The following CPNE2 variants were observed in gnomAD, a reference collection of about 807,000 sequenced individuals.
CPNE2 encodes the protein copine-2.
CPNE2 carries 42 observed loss-of-function variants against 69.7 expected under a neutral mutation model. That is an observed-to-expected ratio of 0.60 (90% CI 0.47 to 0.78). The LOEUF (loss-of-function observed/expected upper bound fraction) is 0.78, where lower values mean the gene tolerates loss of function less well. Ranked by LOEUF, CPNE2 falls within the 30% of genes least tolerant of loss-of-function variation. The pLI, the probability that CPNE2 is intolerant of heterozygous loss-of-function variation, is 0.00. For synonymous variants in CPNE2, 294 were observed against 289.8 expected (o/e 1.01, Z -0.15); for missense variants, 587 against 732.0 (o/e 0.80, Z 2.29).
intron 8 of CPNE2, 83 bp downstream of exon 8, chr16:57,121,274 G>T: frequency 8.6e-7 from 1 of 1,167,186 alleles, no homozygotes; most frequent in South Asian, 1.4e-5. Flanking sequence ...AGGCAGCCTG[G>T]GGCTGAGATC....
chr16:57,128,834 C>A (rs1383655956), intron 12 of CPNE2, among the ~76,000 whole-genome samples: 1 of 152,148 alleles, frequency 6.6e-6, no homozygotes, highest in African/African-American at 2.4e-5. Context: ...TGTTTAGCTC[C>A]GTCTTATAAG....
At chr16:57,107,342 G>A (rs2069654229) in intron 1 of CPNE2, among the ~76,000 whole-genome samples, 1 of 152,236 alleles carries the variant, frequency 6.6e-6, no homozygotes, top group South Asian at 2.1e-4. Context: ...GAGGGAGGGG[G>A]CTGAGGACCA....
chr16:57,135,191 T>C (rs1286281799), intron 13 of CPNE2, among the ~76,000 whole-genome samples: 3 of 152,032 alleles, frequency 2.0e-5, no homozygotes, highest in Non-Finnish European at 4.4e-5. Context: ...GAGGTGAGGG[T>C]GGCACCAGAC....
intron 9 of CPNE2, 107 bp downstream of exon 9, chr16:57,121,867 G>T (rs1198811959): frequency 9.6e-7 from 1 of 1,042,460 alleles, no homozygotes; most frequent in South Asian, 1.4e-5. Flanking sequence ...TTCAAATCCC[G>T]GCTCTGCCAC....
chr16:57,100,709 T>C (rs533816607), intron 1 of CPNE2, among the ~76,000 whole-genome samples: 3 of 152,344 alleles, frequency 2.0e-5, no homozygotes, highest in Admixed American at 6.5e-5. Context: ...TGTGAAGCTA[T>C]AGAATTTCAA....
At chr16:57,100,808 C>T (rs1373937780) in intron 1 of CPNE2, among the ~76,000 whole-genome samples, 1 of 152,196 alleles carries the variant, frequency 6.6e-6, no homozygotes, top group East Asian at 1.9e-4. Flanking sequence ...TCTCTTGCAG[C>T]TGACAGGGTG....
At chr16:57,139,301 T>C (rs1332705664) in intron 14 of CPNE2, among the ~76,000 whole-genome samples, 2 of 152,156 alleles carry the variant, frequency 1.3e-5, no homozygotes, top group Non-Finnish European at 2.9e-5. Flanking sequence ...CTGAGCCAGA[T>C]TACCAGTCTG....
chr16:57,138,276 C>A (rs1238101225), intron 14 of CPNE2, among the ~76,000 whole-genome samples: 1 of 152,134 alleles, frequency 6.6e-6, no homozygotes, highest in Non-Finnish European at 1.5e-5. Flanking sequence ...GTGTTCATTT[C>A]ACTAGACTCT....
chr16:57,098,169 C>T (rs1359965102), intron 1 of CPNE2, among the ~76,000 whole-genome samples: 1 of 152,158 alleles, frequency 6.6e-6, no homozygotes, highest in Non-Finnish European at 1.5e-5. Context: ...CAGAGAATGA[C>T]CTCCCTCTGA....
chr16:57,123,466 T>C lies in CPNE2; in HGVS notation c.920T>C (p.Met307Thr). 6.2e-7 allele frequency: 1 copy of C among 1,613,338 alleles called. No homozygotes were observed. Among genetic ancestry groups the C allele is most frequent in the Non-Finnish European group, 8.5e-7 (1 of 1,180,020 alleles). The change falls in exon 10 of 16, where the codon ATG (methionine) becomes ACG (threonine). Residue 307 changes from methionine (M) to threonine (T), a missense_variant. Transcript: ENST00000290776. ...LDYILGGCQL[M>T]FTVGIDFTAS... ...TACATCCTGGGAGGCTGCCAGCTCA[T>C]GTTCACCGTAAGGCTCTCCCCGCTG...
intron 1 of CPNE2, among the ~76,000 whole-genome samples, chr16:57,104,766 A>G (rs1486973390): frequency 6.6e-6 from 1 of 152,242 alleles, no homozygotes; most frequent in African/African-American, 2.4e-5. Context: ...CTGGGTGATC[A>G]GGGAAGGCCT....
chr16:57,119,327 A>T, intron 6 of CPNE2, 49 bp downstream of exon 6: 1 of 1,574,558 alleles, frequency 6.4e-7, no homozygotes, highest in South Asian at 1.1e-5. Flanking sequence ...CCTGCAGTCC[A>T]GCCCCTCCAC....
In CPNE2 at chr16:57,121,718, G is replaced by A; in HGVS notation, c.825G>A (p.Lys275=). 1 of 1,614,190 alleles carries A rather than the reference G, an allele frequency of 6.2e-7. No homozygotes were observed. Among genetic ancestry groups the A allele is most frequent in the Non-Finnish European group, 8.5e-7 (1 of 1,180,040 alleles). The change falls in exon 9 of 16, where the codon AAG becomes AAA. Residue 275 remains lysine, a synonymous_variant. Transcript: ENST00000290776. ...CINPKKQRKK[K]NYKNSGIIIL... is the part of the protein sequence containing the mutation. ...ACCCCAAGAAGCAGAGGAAGAAGAA[G>A]AACTATAAAAACTCGGGCATCATCA...
At chr16:57,145,934 G>C in intron 14 of CPNE2, 151 bp from the exon 15 acceptor site, 2 of 667,152 alleles carry the variant, frequency 3.0e-6, no homozygotes, top group Non-Finnish European at 5.4e-6. Context: ...CTGAGAGCAG[G>C]ACGCATAGTG....
At position 57,146,039 on chromosome 16, in the gene CPNE2, C is replaced by T. The variant is rs1051648935; in HGVS notation, c.1303-46C>T. 4 of 1,519,142 alleles carry T rather than the reference C, an allele frequency of 2.6e-6. No homozygotes were observed. The highest frequency in any genetic ancestry group is 3.6e-6 in the Non-Finnish European group (4 of 1,105,938). 94.1% of individuals were successfully genotyped at this position (1,519,142 alleles called of 1,614,324 possible). A position where few individuals can be genotyped will look rare whatever the true frequency, so the allele number is the denominator to read the frequency against. ...TGAAGGAGGGAGGGAGAAGGGGTGC[C>T]AGAGCCTCGACCTTGCTGAGTGCCC... On this transcript the variant is annotated intron_variant, in intron 14 of 15. Coordinates refer to ENST00000290776, the MANE Select transcript of CPNE2 (RefSeq NM_152727.6). The surrounding 1 kb of genome is among the most constrained non-coding windows in gnomAD (Gnocchi z 4.4).
chr16:57,121,565 GC>G, intron 8 of CPNE2, 108 bp from the exon 9 acceptor site: 3 of 1,067,208 alleles, frequency 2.8e-6, no homozygotes, highest in Non-Finnish European at 4.2e-6. Context: ...CCTGGAGGAA[GC>G]ATGCTGCCCC....
chr16:57,147,259 T>C (rs1157259007), intron 15 of CPNE2: 4 of 314,692 alleles, frequency 1.3e-5, no homozygotes, highest in African/African-American at 4.3e-5. Context: ...GCCGGACACA[T>C]AGGTGCTTCC....
At position 57,122,546 on chromosome 16, in the gene CPNE2, C is replaced by T. The variant is rs148621946; in HGVS notation, c.867+786C>T. Among the ~76,000 whole-genome samples the T allele has an allele frequency of 3.3e-5, 5 of 152,318 alleles. No homozygotes were observed. In the East Asian group the frequency reaches 9.6e-4, roughly 29 times the overall value. On this transcript the variant is annotated intron_variant, in intron 9 of 15. Coordinates refer to ENST00000290776, the MANE Select transcript of CPNE2 (RefSeq NM_152727.6). ...CATCACTTTTCACAATTTCTGGCAC[C>T]TGCCTTACTTATTTTTTTGAATCAG...
chr16:57,106,988 A>AT (rs1423161514), intron 1 of CPNE2, among the ~76,000 whole-genome samples: 1 of 152,180 alleles, frequency 6.6e-6, no homozygotes, highest in African/African-American at 2.4e-5. Flanking sequence ...CCTGATTCAC[A>AT]TCCTGTCTCT....
Sources: gnomAD v4.1 joint callset for allele counts (sites outside exome capture counted in the v4.1 genomes callset) on GRCh38, gnomAD v4.1.1 for gene constraint, Gnocchi (gnomAD v3.1) non-coding constraint, MANE v1.5 for transcripts, NCBI Gene and HGNC (gene_info 2026-07-23, HGNC 2026-07-21) for gene names.